Variants in CALN1 observed in about 807,000 individuals in gnomAD.
CALN1 encodes calcium-binding protein 8.
CALN1 carries 17 observed loss-of-function variants against 30.6 expected under a neutral mutation model. The observed-to-expected ratio is 0.56, with a 90% CI of 0.38 to 0.83. The LOEUF (loss-of-function observed/expected upper bound fraction) is 0.83. Among genes scored for constraint, CALN1 ranks in the 40% least tolerant of loss-of-function variants. The pLI is 0.00. For synonymous variants in CALN1, 156 were observed against 131.4 expected, an observed-to-expected ratio of 1.19 and a Z score of -1.28; for missense variants, 291 against 354.9, an observed-to-expected ratio of 0.82 and a Z score of 1.45.
chr7:72,357,465 A>T (rs1193852819), intron 2 of CALN1, among the ~76,000 whole-genome samples: 1 of 151,958 alleles, frequency 6.6e-6, no homozygotes, highest in Non-Finnish European at 1.5e-5. Flanking sequence ...TCAAAGAAGA[A>T]AATTAAAGGT....
At chr7:72,350,433 T>G (rs1802861830) in intron 2 of CALN1, among the ~76,000 whole-genome samples, 1 of 152,184 alleles carries the variant, frequency 6.6e-6, no homozygotes, top group South Asian at 2.1e-4. Context: ...ATACACACCA[T>G]GGAATACTAC....
At chr7:72,139,977 T>G (rs1275388218) in intron 3 of CALN1, among the ~76,000 whole-genome samples, 1 of 152,028 alleles carries the variant, frequency 6.6e-6, no homozygotes, top group East Asian at 1.9e-4. Flanking sequence ...TCACCACTGT[T>G]GGGGGAGGTT....
chr7:72,278,212 C>A (rs773704679), intron 3 of CALN1, among the ~76,000 whole-genome samples: 11 of 152,018 alleles, frequency 7.2e-5, no homozygotes, highest in Non-Finnish European at 1.5e-4. Context: ...GTCACCTAGA[C>A]AAAGCTTCCA....
rs775132024 is a variant in CALN1, at chr7:72,397,707, T to TTC, written c.119+5542_119+5543dup. Among the ~76,000 whole-genome samples, 282 of 50,000 alleles carry TTC rather than the reference T, an allele frequency of 5.6e-3. 2 individuals carry two copies. The highest frequency in any genetic ancestry group is 0.022 in the South Asian group (28 of 1,298). 32.8% of individuals were successfully genotyped at this position (50,000 alleles called of 152,430 possible). On this transcript the variant is annotated intron_variant, in intron 2 of 6. Transcript: ENST00000395275. ...CTTGGGGGATCTTGGAGAGCACCCA[T>TTC]TCTCTCTCACACACACACACACACA...
chr7:72,344,478 G>A lies in CALN1; in HGVS notation c.119+58773C>T, dbSNP rs1320238213. Reference sequence around the variant, plus strand: ...AGAAAACTTTGTATATGGGATCCGTGTACACATATGTGCACAGAATATAAT... The same window carrying A: ...AGAAAACTTTGTATATGGGATCCGTATACACATATGTGCACAGAATATAAT... On this transcript the variant is annotated intron_variant, in intron 2 of 6. Transcript: ENST00000395275. 2.0e-5 allele frequency among the ~76,000 whole-genome samples: 3 copies of A among 150,914 alleles called. No individual in the cohort carries two copies. In the East Asian group the frequency reaches 5.8e-4, roughly 29 times the overall value.
chr7:72,496,030 C>A, the CALN1 span, among the ~76,000 whole-genome samples: 1 of 152,218 alleles, frequency 6.6e-6, no homozygotes, highest in African/African-American at 2.4e-5. Context: ...AAGAGATTCT[C>A]CTGCCTCAGT....
At chr7:72,033,541 G>T (rs1801590713) in intron 4 of CALN1, among the ~76,000 whole-genome samples, 1 of 152,162 alleles carries the variant, frequency 6.6e-6, no homozygotes, top group Non-Finnish European at 1.5e-5. Context: ...GTCCAGACAG[G>T]TCATTTTCCA....
chr7:71,959,461 C>T (rs1429258428), intron 5 of CALN1, among the ~76,000 whole-genome samples: 1 of 152,144 alleles, frequency 6.6e-6, no homozygotes, highest in East Asian at 1.9e-4. Context: ...TTCCCCTTCT[C>T]CCAGGAACAT....
At chr7:72,004,157 A>C (rs1271008611) in intron 5 of CALN1, among the ~76,000 whole-genome samples, 4 of 152,228 alleles carry the variant, frequency 2.6e-5, no homozygotes, top group African/African-American at 7.2e-5. Flanking sequence ...AGTAATCAAA[A>C]TAGTGTAGAA....
intron 2 of CALN1, among the ~76,000 whole-genome samples, chr7:72,364,590 T>C (rs986695546): frequency 2.6e-5 from 4 of 152,130 alleles, no homozygotes; most frequent in Non-Finnish European, 5.9e-5. Flanking sequence ...GGTAAATAGA[T>C]GAACAAAACA....
intron 3 of CALN1, among the ~76,000 whole-genome samples, chr7:72,168,284 T>C (rs1196170254): frequency 1.3e-5 from 2 of 152,114 alleles, no homozygotes; most frequent in Non-Finnish European, 2.9e-5. Flanking sequence ...GTTTGAAATA[T>C]TCACATAGAC....
rs1554390886 is a variant in CALN1, at chr7:72,369,359, T to TGTTGTTG, written c.119+33891_119+33892insCAACAAC. Among the ~76,000 whole-genome samples the TGTTGTTG allele has an allele frequency of 9.9e-3, 1,449 of 146,698 alleles. 27 individuals carry two copies. The highest frequency in any genetic ancestry group is 0.034 in the African/African-American group (1,372 of 40,002). The stretch of plus-strand genomic sequence containing the variant: ...TATAAATATTATAAATATTTATTTT[T>TGTTGTTG]TTGTTGTTGTTGTTTGTTTTTGAGA... On this transcript the variant is annotated intron_variant, in intron 2 of 6. Coordinates refer to ENST00000395275, the MANE Select transcript of CALN1 (RefSeq NM_031468.4).
the CALN1 span, among the ~76,000 whole-genome samples, chr7:72,467,000 G>T: frequency 6.6e-6 from 1 of 152,236 alleles, no homozygotes; most frequent in Admixed American, 6.5e-5. Context: ...AGGAGGTGAT[G>T]TCAGTGTTGG....
At position 72,338,482 on chromosome 7, in the gene CALN1, T is replaced by A. The variant is rs983606118; in HGVS notation, c.120-59672A>T. On this transcript the variant is annotated intron_variant, in intron 2 of 6. Transcript: ENST00000395275. The stretch of plus-strand genomic sequence containing the variant: ...CAGCCAGCAGCACAGTGTGTGTGTG[T>A]GTGTGTGTGTGTGTGTGTGTGTGTG... 8.3e-3 allele frequency among the ~76,000 whole-genome samples: 1,023 copies of A among 123,604 alleles called. 26 individuals carry two copies. Among genetic ancestry groups the A allele is most frequent in the African/African-American group, 0.029 (829 of 28,208 alleles). 81.1% of individuals were successfully genotyped at this position (123,604 alleles called of 152,430 possible).
the CALN1 span, among the ~76,000 whole-genome samples, chr7:72,492,277 A>G: frequency 6.6e-6 from 1 of 152,224 alleles, no homozygotes; most frequent in East Asian, 1.9e-4. Context: ...TTCCCATATA[A>G]GACTCAATCT....
Position 72,207,829 on chromosome 7 carries a change from C to G in CALN1, c.244+70857G>C, listed in dbSNP as rs374954771. On this transcript the variant is annotated intron_variant, in intron 3 of 6. Coordinates refer to ENST00000395275, the MANE Select transcript of CALN1 (RefSeq NM_031468.4). ...CTCTTATTATTCTTTATTCTTCATA[C>G]TTTGCAATGCATATATATTACTTTT... Among the ~76,000 whole-genome samples, 23 of 152,224 alleles carry G rather than the reference C, an allele frequency of 1.5e-4. No homozygotes were observed. In the East Asian group the frequency reaches 3.5e-3, roughly 23 times the overall value.
chr7:72,335,648 G>T (rs994033338), intron 2 of CALN1, among the ~76,000 whole-genome samples: 2 of 152,212 alleles, frequency 1.3e-5, no homozygotes, highest in African/African-American at 4.8e-5. Context: ...TGGCACTCAG[G>T]GAACTGCAGG....
chr7:72,434,766 T>C (rs1808094156), intron 1 of CALN1, among the ~76,000 whole-genome samples: 2 of 152,116 alleles, frequency 1.3e-5, no homozygotes, highest in Admixed American at 1.3e-4. Flanking sequence ...GTAAACATCA[T>C]CCTCCAACTC....
intron 3 of CALN1, among the ~76,000 whole-genome samples, chr7:72,216,861 C>T (rs1337271351): frequency 6.6e-6 from 1 of 152,152 alleles, no homozygotes; most frequent in Non-Finnish European, 1.5e-5. Context: ...AAGTGATCCT[C>T]CTGCCTCAGC....
Sources: gnomAD v4.1 joint callset for allele counts (sites outside exome capture counted in the v4.1 genomes callset) on GRCh38, gnomAD v4.1.1 for gene constraint, MANE v1.5 for transcripts, NCBI Gene and HGNC (gene_info 2026-07-23, HGNC 2026-07-21) for gene names.